DZIP1L: variants seen among roughly 807,000 people sequenced by gnomAD.
DZIP1L encodes the protein DAZ interacting zinc finger protein 1 like.
In DZIP1L, 90 loss-of-function variants were observed where a neutral mutation model predicts 88.7. The ratio of observed to expected loss-of-function variants is 1.02; its 90% CI spans 0.86 to 1.21. The LOEUF (loss-of-function observed/expected upper bound fraction) is 1.21, where lower values mean the gene tolerates loss of function less well. Ranked by LOEUF, DZIP1L falls within the 50% of genes most tolerant of loss-of-function variation. The pLI is 0.00. For missense variants in DZIP1L, 932 were observed against 955.8 expected, an observed-to-expected ratio of 0.98 and a Z score of 0.33; for synonymous variants, 363 against 372.1, an observed-to-expected ratio of 0.98 and a Z score of 0.28.
chr3:138,104,245 G>T (rs893664070), intron 1 of DZIP1L, among the ~76,000 whole-genome samples, 193 bp from the exon 2 acceptor site: 1 of 152,234 alleles, frequency 6.6e-6, no homozygotes, highest in Non-Finnish European at 1.5e-5. Flanking sequence ...ATGTGGATTC[G>T]AATGCTCTGC....
At chr3:138,103,368 C>G in intron 2 of DZIP1L, 103 bp downstream of exon 2, 1 of 1,323,590 alleles carries the variant, frequency 7.6e-7, no homozygotes, top group South Asian at 1.4e-5. Flanking sequence ...AACAGCCCCC[C>G]AGCAGCCTTA....
intron 3 of DZIP1L, among the ~76,000 whole-genome samples, chr3:138,096,412 T>C (rs1251493486): frequency 1.3e-5 from 2 of 152,224 alleles, no homozygotes; most frequent in East Asian, 3.8e-4. Flanking sequence ...TGATAGCCAC[T>C]TAATGAAATA....
At chr3:138,100,636 T>A (rs1415988286) in intron 2 of DZIP1L, among the ~76,000 whole-genome samples, 1 of 152,138 alleles carries the variant, frequency 6.6e-6, no homozygotes, top group Non-Finnish European at 1.5e-5. Context: ...CAGAATTGAA[T>A]TGAAGGGCAC....
intron 1 of DZIP1L, among the ~76,000 whole-genome samples, chr3:138,105,365 A>T (rs986388637): frequency 6.7e-6 from 1 of 150,112 alleles, no homozygotes; most frequent in Non-Finnish European, 1.5e-5. Flanking sequence ...ATTTTATATA[A>T]ATATATATAT....
intron 1 of DZIP1L, among the ~76,000 whole-genome samples, chr3:138,111,069 C>G (rs765118659): frequency 2.0e-5 from 3 of 152,230 alleles, no homozygotes; most frequent in Admixed American, 6.5e-5. Flanking sequence ...CTTCCTCCCC[C>G]ACTCCCCTGG....
rs576381221 is a variant in DZIP1L at position 138,101,001 on chromosome 3, C to G, written c.501+2470G>C. On this transcript the variant is annotated intron_variant, in intron 2 of 15. Transcript: ENST00000327532. ...CACGTAGATTCAACACATGCACACACAAACCCCTCACACACACCTTTACAC... is the reference window on the plus strand; with the variant it reads ...CACGTAGATTCAACACATGCACACAGAAACCCCTCACACACACCTTTACAC... 2.0e-5 allele frequency among the ~76,000 whole-genome samples: 3 copies of G among 152,270 alleles called. No homozygotes were observed. In the South Asian group the frequency reaches 6.2e-4, roughly 32 times the overall value.
chr3:138,107,229 TAA>T, intron 1 of DZIP1L, among the ~76,000 whole-genome samples: 1 of 152,326 alleles, frequency 6.6e-6, no homozygotes, highest in East Asian at 1.9e-4. Flanking sequence ...ATGGGACATT[TAA>T]GAGGTGATTA....
chr3:138,067,518 G>A lies in DZIP1L; in HGVS notation c.2002+13C>T. The A allele has an allele frequency of 6.3e-7, 1 of 1,582,078 alleles. No homozygotes were observed. ...GGTGGTCCCAGCCCACTCACCCAAA[G>A]GTGCCAGCTCACCTGAGCCCTGGCC... On this transcript the variant is annotated intron_variant, in intron 14 of 15. Coordinates refer to ENST00000327532, the MANE Select transcript of DZIP1L (RefSeq NM_173543.3).
intron 8 of DZIP1L, among the ~76,000 whole-genome samples, chr3:138,082,965 A>C (rs1943734599): frequency 6.6e-6 from 1 of 152,238 alleles, no homozygotes; most frequent in Non-Finnish European, 1.5e-5. Context: ...GATGGTAAAA[A>C]GAAAAACACA....
At chr3:138,078,232 G>C (rs981092413) in intron 10 of DZIP1L, among the ~76,000 whole-genome samples, 8 of 152,232 alleles carry the variant, frequency 5.3e-5, no homozygotes, top group Non-Finnish European at 1.2e-4. Flanking sequence ...AGTCAGGGAA[G>C]GCCTCCTACG....
At chr3:138,076,439 C>T (rs1943408671) in intron 11 of DZIP1L, among the ~76,000 whole-genome samples, 1 of 152,186 alleles carries the variant, frequency 6.6e-6, no homozygotes, top group African/African-American at 2.4e-5. Flanking sequence ...GAAGTCATTA[C>T]ATGAAAAAGA....
chr3:138,102,325 T>C (rs2042345276), intron 2 of DZIP1L: 2 of 1,329,418 alleles, frequency 1.5e-6, no homozygotes, highest in African/African-American at 1.4e-5. Flanking sequence ...TCCACATCTT[T>C]CTCGATGAAG....
At chr3:138,076,516 C>G (rs1287923361) in intron 11 of DZIP1L, among the ~76,000 whole-genome samples, 3 of 152,144 alleles carry the variant, frequency 2.0e-5, no homozygotes, top group Non-Finnish European at 4.4e-5. Flanking sequence ...AGCCTAAATG[C>G]CCATCAATCA....
intron 7 of DZIP1L, among the ~76,000 whole-genome samples, chr3:138,084,818 A>T (rs1193727773): frequency 6.6e-6 from 1 of 152,186 alleles, no homozygotes; most frequent in African/African-American, 2.4e-5. Flanking sequence ...CCATTTGAAA[A>T]TGCTTCAGTT....
intron 5 of DZIP1L, 23 bp from the exon 6 acceptor site, chr3:138,088,530 T>A: frequency 6.2e-7 from 1 of 1,609,974 alleles, no homozygotes; most frequent in South Asian, 1.1e-5. Flanking sequence ...GGGCATAGTT[T>A]TATTCAGATG....
rs1403914504 is a variant in DZIP1L, at chr3:138,068,204, G to C, written c.1779C>G (p.Arg593=). 9.4e-6 allele frequency: 15 copies of C among 1,590,888 alleles called. No homozygotes were observed. The highest frequency in any genetic ancestry group is 1.0e-5 in the Non-Finnish European group (12 of 1,167,406). ...TGCTGGAGGGTCCATGCAGTCCGGG[G>C]CGTGGAGCGGGGGCGGACACCTGGG... ...SLTQVSAPAP[R]PGLHGPSSTP... is the part of the protein sequence containing the mutation. Residue 593 remains arginine (R), a synonymous_variant, in exon 13 of 16, where the codon CGC becomes CGG. Coordinates refer to ENST00000327532, the MANE Select transcript of DZIP1L (RefSeq NM_173543.3).
chr3:138,104,743 A>G (rs1307406075), intron 1 of DZIP1L, among the ~76,000 whole-genome samples: 1 of 152,186 alleles, frequency 6.6e-6, no homozygotes, highest in Non-Finnish European at 1.5e-5. Flanking sequence ...ATGGTGCTCA[A>G]TCCATCATGG....
At chr3:138,089,898 C>T (rs1168316244) in intron 5 of DZIP1L, among the ~76,000 whole-genome samples, 1 of 151,986 alleles carries the variant, frequency 6.6e-6, no homozygotes, top group Non-Finnish European at 1.5e-5. Flanking sequence ...CCTGTAATCC[C>T]AGCACATTGG....
chr3:138,095,650 C>T lies in DZIP1L; in HGVS notation c.587-667G>A, dbSNP rs540828161. On this transcript the variant is annotated intron_variant, in intron 3 of 15. Coordinates refer to ENST00000327532, the MANE Select transcript of DZIP1L (RefSeq NM_173543.3). ...AAAAAAAATTAGCCGGGTGTGGTGG[C>T]GGGTGCCTATAATCCCAGCTACTCA... Among the ~76,000 whole-genome samples the T allele has an allele frequency of 2.1e-4, 32 of 152,068 alleles. No homozygotes were observed. In the South Asian group the frequency reaches 5.6e-3, roughly 27 times the overall value.
Sources: allele counts gnomAD v4.1 joint callset (sites outside exome capture counted in the v4.1 genomes callset), GRCh38; gene constraint gnomAD v4.1.1; transcripts MANE v1.5; gene names NCBI Gene and HGNC (gene_info 2026-07-23, HGNC 2026-07-21).